Variants in ANAPC1 observed in about 807,000 individuals in gnomAD.
The protein encoded by ANAPC1 is anaphase-promoting complex subunit 1.
A neutral mutation model predicts 208.0 loss-of-function variants in ANAPC1; 36 were observed. The ratio of observed to expected loss-of-function variants is 0.17; its 90% CI spans 0.13 to 0.23. The LOEUF (loss-of-function observed/expected upper bound fraction) is 0.23. Among genes scored for constraint, ANAPC1 ranks in the 10% least tolerant of loss-of-function variants. ANAPC1 has a pLI of 1.00. For missense variants in ANAPC1, 942 were observed against 2,011.6 expected (o/e 0.47, Z 10.17); for synonymous variants, 378 against 695.2 (o/e 0.54, Z 7.18).
chr2:111,816,359 CTCTA>C (rs1407253603), intron 27 of ANAPC1, among the ~76,000 whole-genome samples: 1 of 150,724 alleles, frequency 6.6e-6, no homozygotes, highest in Non-Finnish European at 1.5e-5. Context: ...TTCTCTCTCT[CTCTA>C]TATATACATA....
At position 111,857,926 on chromosome 2, in the gene ANAPC1, A is replaced by C. The variant is rs1681824992; in HGVS notation, c.1358+380T>G. Among the ~76,000 whole-genome samples, 4 of 151,732 alleles carry C rather than the reference A, an allele frequency of 2.6e-5. No homozygotes were observed. In the Admixed American group the frequency reaches 2.6e-4, roughly 10 times the overall value. On this transcript the variant is annotated intron_variant, in intron 11 of 47. Transcript: ENST00000341068. ...GGTGGATCCTAAAAACATCACGCTA[A>C]GTGAAAGCTAAACACAAAAAGGTAC...
At chr2:111,847,226 T>C (rs1261536042) in intron 15 of ANAPC1, 28 bp from the exon 16 acceptor site, 6 of 1,578,832 alleles carry the variant, frequency 3.8e-6, no homozygotes, top group Non-Finnish European at 4.3e-6. Context: ...AGAAAGTAGA[T>C]AAAATCTGTG....
chr2:111,840,548 G>A (rs1478707719), intron 17 of ANAPC1, among the ~76,000 whole-genome samples: 1 of 152,076 alleles, frequency 6.6e-6, no homozygotes, highest in African/African-American at 2.4e-5. Flanking sequence ...AACGCGAAGG[G>A]GCATAGGTTC....
chr2:111,775,022 C>T (rs1237256053), intron 46 of ANAPC1, among the ~76,000 whole-genome samples: 1 of 152,168 alleles, frequency 6.6e-6, no homozygotes, highest in African/African-American at 2.4e-5. Context: ...AATCCCAGCA[C>T]TTTGGGAGGC....
At chr2:111,796,584 G>A (rs1245478597) in intron 34 of ANAPC1, among the ~76,000 whole-genome samples, 1 of 148,492 alleles carries the variant, frequency 6.7e-6, no homozygotes, top group East Asian at 2.0e-4. Context: ...ACCCTCCTTG[G>A]CCTCCCAAAG....
intron 18 of ANAPC1, among the ~76,000 whole-genome samples, chr2:111,836,601 A>C (rs566977038): frequency 6.6e-6 from 1 of 151,678 alleles, no homozygotes. Flanking sequence ...CAACTACGAT[A>C]GCATCACTGC....
At chr2:111,860,524 A>C (rs1241302433) in intron 10 of ANAPC1, among the ~76,000 whole-genome samples, 2 of 141,040 alleles carry the variant, frequency 1.4e-5, no homozygotes, top group African/African-American at 5.3e-5. Context: ...TCCCAGCTTA[A>C]AATGCTCTGG....
At chr2:111,776,064 C>A (rs1013616333) in intron 46 of ANAPC1, among the ~76,000 whole-genome samples, 1 of 148,530 alleles carries the variant, frequency 6.7e-6, no homozygotes, top group Non-Finnish European at 1.5e-5. Context: ...CAATTATATT[C>A]AAACGCTTAG....
intron 6 of ANAPC1, among the ~76,000 whole-genome samples, chr2:111,871,212 TA>T (rs913690522): frequency 1.5e-4 from 23 of 151,168 alleles, no homozygotes; most frequent in African/African-American, 3.9e-4. Flanking sequence ...TCTAACTCTA[TA>T]AAAAAAAAGA....
chr2:111,794,562 T>C (rs1678057413), intron 35 of ANAPC1, among the ~76,000 whole-genome samples: 1 of 152,198 alleles, frequency 6.6e-6, no homozygotes. Context: ...TTTTTAAAAT[T>C]GTTGCCAATT....
intron 1 of ANAPC1, among the ~76,000 whole-genome samples, chr2:111,881,355 T>G (rs1260207620): frequency 6.6e-6 from 1 of 152,172 alleles, no homozygotes; most frequent in Non-Finnish European, 1.5e-5. Flanking sequence ...CTGACCAATC[T>G]ACAAAAGACA....
At chr2:111,850,085 T>G (rs955506424) in intron 14 of ANAPC1, among the ~76,000 whole-genome samples, 2 of 152,182 alleles carry the variant, frequency 1.3e-5, no homozygotes, top group Admixed American at 6.6e-5. Context: ...AATAAAGCAC[T>G]GAGAACAATG....
intron 25 of ANAPC1, 67 bp from the exon 26 acceptor site, chr2:111,821,520 G>C (rs1679533836): frequency 6.9e-7 from 1 of 1,451,060 alleles, no homozygotes; most frequent in South Asian, 1.2e-5. Context: ...TGAACATGAG[G>C]ATATATAGGC....
At chr2:111,846,967 G>A (rs1681123533) in intron 16 of ANAPC1, among the ~76,000 whole-genome samples, 171 bp downstream of exon 16, 1 of 152,154 alleles carries the variant, frequency 6.6e-6, no homozygotes, top group Non-Finnish European at 1.5e-5. Flanking sequence ...CAGCCTTAGA[G>A]CGCACGTAGA....
In ANAPC1 at chr2:111,847,891, A is replaced by T. The variant is rs769367008; in HGVS notation, c.1651-26T>A. The T allele has an allele frequency of 4.6e-6, 7 of 1,521,290 alleles. No homozygotes were observed. In the South Asian group the frequency reaches 6.5e-5, roughly 14 times the overall value. 94.2% of individuals were successfully genotyped at this position (1,521,290 alleles called of 1,614,324 possible). ...CTGTAAAAAGTTGTAAATACGATAC[A>T]AATGAATTGTTTTCTGAGAAATTAA... On this transcript the variant is annotated intron_variant, in intron 14 of 47. Transcript: ENST00000341068.
chr2:111,882,133 G>A (rs530396969), intron 1 of ANAPC1, among the ~76,000 whole-genome samples: 8 of 151,710 alleles, frequency 5.3e-5, no homozygotes, highest in East Asian at 2.0e-4. Context: ...GCAGTGAGCC[G>A]AGATCATGCC....
chr2:111,825,571 G>A (rs894073879), intron 22 of ANAPC1, among the ~76,000 whole-genome samples: 17 of 152,096 alleles, frequency 1.1e-4, no homozygotes, highest in Admixed American at 3.3e-4. Flanking sequence ...CTTTTTACCC[G>A]CACTGAAAAT....
In ANAPC1 at chr2:111,869,542, G is replaced by A. The variant is rs1235906837; in HGVS notation, c.612-1446C>T. On this transcript the variant is annotated intron_variant, in intron 6 of 47. Transcript: ENST00000341068. ...ATTACAGACGTGGGCCACCGCGCCC[G>A]GCCAAATCTTTTTTGAAGCCATTTA... Among the ~76,000 whole-genome samples, 17 of 152,240 alleles carry A rather than the reference G, an allele frequency of 1.1e-4. No individual in the cohort carries two copies. In the South Asian group the frequency reaches 1.9e-3, roughly 17 times the overall value.
intron 46 of ANAPC1, among the ~76,000 whole-genome samples, chr2:111,776,055 A>C (rs1304831437): frequency 6.7e-6 from 1 of 148,672 alleles, no homozygotes; most frequent in Non-Finnish European, 1.5e-5. Context: ...TTTTAAACTC[A>C]ATTATATTCA....
Sources: allele counts gnomAD v4.1 joint callset (sites outside exome capture counted in the v4.1 genomes callset), GRCh38; gene constraint gnomAD v4.1.1; transcripts MANE v1.5; gene names NCBI Gene and HGNC (gene_info 2026-07-23, HGNC 2026-07-21).